GSE1: variants seen among roughly 807,000 people sequenced by gnomAD.
GSE1 encodes the protein genetic suppressor element 1.
Under a neutral mutation model 112.6 loss-of-function variants are expected in GSE1, and 32 were observed. That is an observed-to-expected ratio of 0.28 (90% CI 0.21 to 0.38). The LOEUF is 0.38. Among genes scored for constraint, GSE1 ranks in the 10% least tolerant of loss-of-function variants. The probability of loss-of-function intolerance (pLI) is 1.00; values close to 1 mark genes in which losing one functional copy is unlikely to be tolerated. For missense variants in GSE1, 2,348 were observed against 1,699.2 expected, an observed-to-expected ratio of 1.38 and a Z score of -6.71; for synonymous variants, 1,115 against 735.6, an observed-to-expected ratio of 1.52 and a Z score of -8.35.
At chr16:85,560,995 G>T (rs141180660) in intron 1 of GSE1, among the ~76,000 whole-genome samples, 65 of 152,042 alleles carry the variant, frequency 4.3e-4, no homozygotes, top group African/African-American at 1.5e-3. Flanking sequence ...AGTCGATCGT[G>T]GTGGTGCCTG....
chr16:85,562,600 G>T (rs942558328), intron 1 of GSE1, among the ~76,000 whole-genome samples: 1 of 152,246 alleles, frequency 6.6e-6, no homozygotes, highest in African/African-American at 2.4e-5. Flanking sequence ...GCGGCAGGTG[G>T]CCCAAGCCAC....
rs932232177 is a variant in GSE1, at chr16:85,178,285, C to T, written c.2283+6478C>T. On this transcript the variant is annotated intron_variant, in intron 1 of 2. Transcript: ENST00000637419. Reference sequence around the variant, plus strand: ...AAGTCCGTGTAGGGGCCATGTGCTCCTGGCAGAGGAGCAAGTGTTAAGGCC... The same window carrying T: ...AAGTCCGTGTAGGGGCCATGTGCTCTTGGCAGAGGAGCAAGTGTTAAGGCC... Among the ~76,000 whole-genome samples the T allele has an allele frequency of 9.9e-5, 15 of 152,096 alleles. 1 individual carries two copies. The highest frequency in any genetic ancestry group is 3.4e-4 in the African/African-American group (14 of 41,482).
chr16:85,463,526 G>A (rs2050037024), intron 2 of GSE1, among the ~76,000 whole-genome samples: 1 of 152,184 alleles, frequency 6.6e-6, no homozygotes, highest in African/African-American at 2.4e-5. Flanking sequence ...GGCCCCTCGT[G>A]CCTGCAGTGA....
At chr16:85,471,051 C>T (rs1206456342) in intron 2 of GSE1, among the ~76,000 whole-genome samples, 1 of 152,182 alleles carries the variant, frequency 6.6e-6, no homozygotes, top group Non-Finnish European at 1.5e-5. Flanking sequence ...CAGGAGGTGC[C>T]AGGCATTCTC....
Position 85,654,265 on chromosome 16 carries a change from T to C in GSE1, c.427-13T>C, listed in dbSNP as rs1429410448. ...CCAGGCTCCTGCCCTGACTGGACGC[T>C]CTCCTCCCGCAGGATGCCGGCTCCA... On this transcript the variant is annotated splice_polypyrimidine_tract_variant and intron_variant, in intron 3 of 15. Coordinates refer to ENST00000253458, the MANE Select transcript of GSE1 (RefSeq NM_014615.5). 1.9e-6 allele frequency: 3 copies of C among 1,580,882 alleles called. No homozygotes were observed. Among genetic ancestry groups the C allele is most frequent in the Non-Finnish European group, 2.6e-6 (3 of 1,164,814 alleles).
intron 1 of GSE1, among the ~76,000 whole-genome samples, chr16:85,615,320 C>T (rs945623579): frequency 3.9e-5 from 6 of 152,220 alleles, no homozygotes; most frequent in Non-Finnish European, 8.8e-5. Flanking sequence ...CTGGAAGAGG[C>T]CCTGGCCTGC....
At chr16:85,480,148 G>A (rs1213156655) in intron 2 of GSE1, among the ~76,000 whole-genome samples, 1 of 152,230 alleles carries the variant, frequency 6.6e-6, no homozygotes, top group Non-Finnish European at 1.5e-5. Context: ...GCACGGAGAG[G>A]TGAAGTAAGG....
Position 85,330,915 on chromosome 16 carries a change from G to T in GSE1, c.2284-26548G>T, listed in dbSNP as rs149041487. ...GCTGTGTGGGAATCACTCTTGTCTT[G>T]CTGCTTAAGACACGTGGGAGCTGTT... On this transcript the variant is annotated intron_variant, in intron 1 of 2. Coordinates refer to the GSE1 transcript ENST00000637419. Among the ~76,000 whole-genome samples, 284 of 152,180 alleles carry T rather than the reference G, an allele frequency of 1.9e-3. 4 individuals carry two copies. Among genetic ancestry groups the T allele is most frequent in the African/African-American group, 6.7e-3 (277 of 41,510 alleles).
At chr16:85,615,886 G>C (rs866496198) in intron 1 of GSE1, among the ~76,000 whole-genome samples, 2 of 152,232 alleles carry the variant, frequency 1.3e-5, no homozygotes, top group African/African-American at 4.8e-5. Context: ...GTACACACTG[G>C]GGGTAGGAAC....
intron 1 of GSE1, among the ~76,000 whole-genome samples, chr16:85,326,409 C>G (rs1425221485): frequency 1.3e-5 from 2 of 152,174 alleles, no homozygotes; most frequent in South Asian, 2.1e-4. Context: ...TGGCCGTGAC[C>G]CCACCCAAAT....
At chr16:85,372,448 C>A (rs1317173909) in intron 2 of GSE1, among the ~76,000 whole-genome samples, 2 of 148,312 alleles carry the variant, frequency 1.3e-5, no homozygotes, top group South Asian at 2.2e-4. Context: ...ACACTGCACT[C>A]CAACCTGGGT....
intron 2 of GSE1, among the ~76,000 whole-genome samples, chr16:85,645,332 T>C (rs2050765200): frequency 6.6e-6 from 1 of 152,060 alleles, no homozygotes; most frequent in South Asian, 2.1e-4. Context: ...GGGGAGAATG[T>C]GAACGTGCCT....
intron 3 of GSE1, among the ~76,000 whole-genome samples, chr16:85,650,670 G>A (rs761416519): frequency 6.6e-6 from 1 of 152,206 alleles, no homozygotes; most frequent in African/African-American, 2.4e-5. Context: ...GGAACACGGT[G>A]CCGCCAGGGA....
chr16:85,551,400 G>T (rs1246226119), upstream of GSE1, among the ~76,000 whole-genome samples: 2 of 152,178 alleles, frequency 1.3e-5, no homozygotes, highest in Non-Finnish European at 2.9e-5. Flanking sequence ...AGAGGCAGGG[G>T]TGCTGCAGCT....
At chr16:85,563,924 T>G (rs1473558305) in intron 1 of GSE1, among the ~76,000 whole-genome samples, 1 of 152,232 alleles carries the variant, frequency 6.6e-6, no homozygotes. Flanking sequence ...ACAGAACACG[T>G]GCCTGTGACC....
At chr16:85,489,246 G>A (rs2050934751) in intron 2 of GSE1, among the ~76,000 whole-genome samples, 1 of 151,880 alleles carries the variant, frequency 6.6e-6, no homozygotes, top group East Asian at 1.9e-4. Context: ...CCCTCTCCCT[G>A]CCCCCAGCCA....
chr16:85,255,422 T>A (rs1260730539), intron 1 of GSE1, among the ~76,000 whole-genome samples: 1 of 151,664 alleles, frequency 6.6e-6, no homozygotes, highest in Non-Finnish European at 1.5e-5. Context: ...CTTTTTTTTT[T>A]TTTTTTTGAG....
intron 9 of GSE1, among the ~76,000 whole-genome samples, 155 bp downstream of exon 9, chr16:85,661,920 G>T (rs1274104547): frequency 6.6e-6 from 1 of 152,168 alleles, no homozygotes. Flanking sequence ...CTTCTTTGTA[G>T]CAGCATGACA....
intron 1 of GSE1, among the ~76,000 whole-genome samples, chr16:85,240,989 G>A (rs1359685177): frequency 1.3e-5 from 2 of 152,144 alleles, no homozygotes; most frequent in Admixed American, 1.3e-4. Flanking sequence ...CCTAGGCCTT[G>A]GTGTCTCTCA....
Sources: gnomAD v4.1 joint callset for allele counts (sites outside exome capture counted in the v4.1 genomes callset) on GRCh38, gnomAD v4.1.1 for gene constraint, MANE v1.5 for transcripts, NCBI Gene and HGNC (gene_info 2026-07-23, HGNC 2026-07-21) for gene names.